Variants in NT5C1B observed in about 807,000 individuals in gnomAD.
The protein encoded by NT5C1B is cytosolic 5'-nucleotidase 1B.
In NT5C1B, 44 loss-of-function variants were observed where a neutral mutation model predicts 57.8. The observed-to-expected ratio is 0.76, with a 90% confidence interval of 0.60 to 0.98. The LOEUF (loss-of-function observed/expected upper bound fraction) is 0.98, where lower values mean the gene tolerates loss of function less well. Ranked by LOEUF, NT5C1B falls within the 50% of genes least tolerant of loss-of-function variation. NT5C1B has a pLI of 0.00. For missense variants in NT5C1B, 742 were observed against 719.5 expected (o/e 1.03, Z -0.36); for synonymous variants, 284 against 282.6 (o/e 1.00, Z -0.05).
intron 6 of NT5C1B, among the ~76,000 whole-genome samples, chr2:18,577,697 A>G (rs1000856533): frequency 3.9e-5 from 6 of 151,930 alleles, no homozygotes; most frequent in South Asian, 2.1e-4. Context: ...CACCTAGAGA[A>G]ACTAGAAAAA....
rs756570324 is a variant in NT5C1B, at chr2:18,584,833, G to A, written c.404C>T (p.Thr135Met). Residue 135 changes from threonine (T) to methionine (M), a missense_variant, in exon 4 of 9, where the codon ACG becomes ATG. Physicochemically the swap from Thr to Met is moderately conservative, Grantham distance 81 (BLOSUM62 -1). Transcript: ENST00000304081. The surrounding 1 kb of genome is among the most constrained non-coding windows in gnomAD (Gnocchi z 5.8). ...GGAGCCAGGATCGGGCTCTGGGGGC[G>A]TGGGAGGCCGCGAGTCCAGCGACCG... 8 of 1,611,018 alleles carry A rather than the reference G, an allele frequency of 5.0e-6. No individual in the cohort carries two copies. The highest frequency in any genetic ancestry group is 6.8e-6 in the Non-Finnish European group (8 of 1,179,086).
At chr2:18,565,896 A>G (rs775833045) in intron 8 of NT5C1B, among the ~76,000 whole-genome samples, 3 of 151,916 alleles carry the variant, frequency 2.0e-5, no homozygotes, top group Non-Finnish European at 2.9e-5. Flanking sequence ...CCTGTTATCT[A>G]TTTCTGTCAT....
chr2:18,568,904 CTG>C (rs1367292197), intron 8 of NT5C1B, among the ~76,000 whole-genome samples: 9 of 152,320 alleles, frequency 5.9e-5, no homozygotes, highest in African/African-American at 2.2e-4. Context: ...TAAAACCAAA[CTG>C]TGCTCTGACC....
chr2:18,563,845 C>G, exon 9 of NT5C1B: 2 of 1,609,466 alleles, frequency 1.2e-6, no homozygotes, highest in South Asian at 2.2e-5. Context: ...GGAACCTAAC[C>G]TCTGTGCCCC....
intron 6 of NT5C1B, among the ~76,000 whole-genome samples, chr2:18,580,007 A>G (rs1300404015): frequency 6.6e-6 from 1 of 152,212 alleles, no homozygotes; most frequent in East Asian, 1.9e-4. Context: ...GAAGACATAC[A>G]TGCAGCCAAC....
At position 18,584,648 on chromosome 2, in the gene NT5C1B, T is replaced by G; in HGVS notation, c.589A>C (p.Thr197Pro). ...GACAGAGAGTTGCGGTCCAGCTGGG[T>G]GGAGGCGGGGTAGATCCCCCTGCGC... The change falls in exon 4 of 9, where the codon ACC becomes CCC. Residue 197 changes from threonine to proline, a missense_variant. Thr to Pro is a conservative substitution (Grantham distance 38). Coordinates refer to ENST00000304081, the Ensembl canonical transcript of NT5C1B. The surrounding 1 kb of genome is among the most constrained non-coding windows in gnomAD (Gnocchi z 5.8). 1 of 1,612,928 alleles carries G rather than the reference T, an allele frequency of 6.2e-7. No individual in the cohort carries two copies. The highest frequency in any genetic ancestry group is 8.5e-7 in the Non-Finnish European group (1 of 1,179,610).
intron 7 of NT5C1B, 65 bp downstream of exon 7, chr2:18,576,708 C>A (rs1466649746): frequency 6.3e-6 from 10 of 1,589,654 alleles, no homozygotes; most frequent in Non-Finnish European, 7.7e-6. Flanking sequence ...ATATGCGAAA[C>A]TTAATGTAAG....
rs988308433 is a variant in NT5C1B, at chr2:18,576,915, A to C, written c.1022-20T>G. 1 of 1,612,656 alleles carries C rather than the reference A, an allele frequency of 6.2e-7. No homozygotes were observed. Among genetic ancestry groups the C allele is most frequent in the Non-Finnish European group, 8.5e-7 (1 of 1,179,510 alleles). ...GTAAGCCTATTATCAGGCAAGAAAG[A>C]CTTTGTTATGACAGAGATTAAAGAC... On this transcript the variant is annotated intron_variant, in intron 6 of 8. Coordinates refer to ENST00000304081, the Ensembl canonical transcript of NT5C1B.
intron 8 of NT5C1B, among the ~76,000 whole-genome samples, chr2:18,572,666 A>G (rs1433752201): frequency 6.6e-6 from 1 of 152,232 alleles, no homozygotes; most frequent in Non-Finnish European, 1.5e-5. Flanking sequence ...AAGATATGTG[A>G]TGGAAAAAAG....
At chr2:18,563,988 A>G (rs1328191209) in exon 9 of NT5C1B, 11 of 1,614,062 alleles carry the variant, frequency 6.8e-6, no homozygotes, top group Middle Eastern at 3.3e-4. Context: ...TCTTCAGCAC[A>G]CGGGCGCCTG....
intron 8 of NT5C1B, among the ~76,000 whole-genome samples, chr2:18,574,982 G>A (rs1665545914): frequency 6.6e-6 from 1 of 151,436 alleles, no homozygotes. Context: ...ACTCAATAAA[G>A]CTGAAAAAAA....
exon 9 of NT5C1B, chr2:18,563,180 C>T (rs1664328704): frequency 6.6e-6 from 1 of 151,506 alleles, no homozygotes; most frequent in African/African-American, 2.4e-5. Flanking sequence ...AAATAATTTT[C>T]AGAGAACCTT....
At chr2:18,587,282 T>C in intron 2 of NT5C1B, 4 of 1,488,998 alleles carry the variant, frequency 2.7e-6, no homozygotes, top group Non-Finnish European at 3.6e-6. Context: ...AGGAGCCTGC[T>C]GTGGTTCCAC....
chr2:18,564,937 TA>T (rs1286939265), intron 8 of NT5C1B, among the ~76,000 whole-genome samples: 2 of 152,152 alleles, frequency 1.3e-5, no homozygotes, highest in Non-Finnish European at 2.9e-5. Context: ...CTCAGTCCTC[TA>T]TTTTAAAAAG....
intron 7 of NT5C1B, 28 bp from the exon 8 acceptor site, chr2:18,576,396 C>T (rs80088844): frequency 1.3e-6 from 2 of 1,598,172 alleles, no homozygotes; most frequent in Non-Finnish European, 1.7e-6. Context: ...CTGATTAATA[C>T]TCTTCTCAGG....
intron 3 of NT5C1B, among the ~76,000 whole-genome samples, chr2:18,585,392 C>T (rs558962990): frequency 9.6e-4 from 146 of 152,236 alleles, no homozygotes; most frequent in African/African-American, 3.3e-3. Flanking sequence ...CCTTAGTGTG[C>T]GACTTCCAGT....
At chr2:18,571,718 G>GTGTGTGTATATATATATA (rs1246189018) in intron 8 of NT5C1B, among the ~76,000 whole-genome samples, 2 of 111,444 alleles carry the variant, frequency 1.8e-5, no homozygotes, top group African/African-American at 6.4e-5. Context: ...CTGTGTGTGT[G>GTGTGTGTATATATATATA]TATATATATA....
At chr2:18,566,389 A>T (rs1384619328) in intron 8 of NT5C1B, among the ~76,000 whole-genome samples, 2 of 152,176 alleles carry the variant, frequency 1.3e-5, no homozygotes, top group East Asian at 3.9e-4. Context: ...ATTTGCTTAA[A>T]TTTTCTTTAA....
chr2:18,577,003 C>G (rs569710939), intron 6 of NT5C1B, 108 bp from the exon 7 acceptor site: 1 of 1,547,696 alleles, frequency 6.5e-7, no homozygotes, highest in African/African-American at 1.4e-5. Context: ...GTAAATTCAA[C>G]TGGCTTTATT....
Sources: gnomAD v4.1 joint callset for allele counts (sites outside exome capture counted in the v4.1 genomes callset) on GRCh38, gnomAD v4.1.1 for gene constraint, Gnocchi (gnomAD v3.1) non-coding constraint, MANE v1.5 for transcripts, NCBI Gene and HGNC (gene_info 2026-07-23, HGNC 2026-07-21) for gene names.